ASTN2: variants seen among roughly 807,000 people sequenced by gnomAD.
ASTN2 encodes astrotactin 2.
A neutral mutation model predicts 139.8 loss-of-function variants in ASTN2; 54 were observed. The ratio of observed to expected loss-of-function variants is 0.39; its 90% CI spans 0.31 to 0.48. ASTN2 has a LOEUF of 0.48. Among genes scored for constraint, ASTN2 ranks in the 20% least tolerant of loss-of-function variants. The pLI is 0.95. For missense variants in ASTN2, 1,565 were observed against 1,725.1 expected, an observed-to-expected ratio of 0.91 and a Z score of 1.64; for synonymous variants, 756 against 719.5, an observed-to-expected ratio of 1.05 and a Z score of -0.81.
chr9:116,702,617 C>G (rs550562446), intron 16 of ASTN2, among the ~76,000 whole-genome samples: 1 of 152,130 alleles, frequency 6.6e-6, no homozygotes, highest in African/African-American at 2.4e-5. Context: ...ATTTACCTGA[C>G]TTAATGGGAC....
intron 2 of ASTN2, among the ~76,000 whole-genome samples, chr9:117,270,101 G>T (rs1007285080): frequency 1.3e-4 from 20 of 152,134 alleles, no homozygotes; most frequent in African/African-American, 4.8e-4. Flanking sequence ...CACATTACTA[G>T]CTGTGCGAGT....
intron 19 of ASTN2, among the ~76,000 whole-genome samples, chr9:116,563,484 T>A (rs1338542903): frequency 6.6e-6 from 1 of 152,186 alleles, no homozygotes; most frequent in African/African-American, 2.4e-5. Flanking sequence ...AATGATCTCT[T>A]TGTCATCCTC....
rs761591526 is a variant in ASTN2, at chr9:116,698,236, G to A, written c.2806+27535C>T. On this transcript the variant is annotated intron_variant, in intron 16 of 22. Coordinates refer to ENST00000313400, the MANE Select transcript of ASTN2 (RefSeq NM_001365068.1). This position sits in a 1 kb window ranked among gnomAD's most constrained non-coding sequence, Gnocchi z 4.4. ...CGGGAACTTATGGGGGAGCTGCAGC[G>A]GCGGAAGGCAGCCTTGGAAGGTGTC... 6.2e-6 allele frequency: 10 copies of A among 1,614,124 alleles called. No individual in the cohort carries two copies. The highest frequency in any genetic ancestry group is 5.0e-5 in the Admixed American group (3 of 60,022).
intron 19 of ASTN2, among the ~76,000 whole-genome samples, chr9:116,554,997 A>T (rs1852537141): frequency 6.6e-6 from 1 of 152,176 alleles, no homozygotes; most frequent in Non-Finnish European, 1.5e-5. Flanking sequence ...GTGCACTGCA[A>T]ACCCTGAAAC....
chr9:117,393,655 A>G (rs1830602255), intron 1 of ASTN2, among the ~76,000 whole-genome samples: 1 of 152,194 alleles, frequency 6.6e-6, no homozygotes, highest in South Asian at 2.1e-4. Context: ...AGAAAGCTCA[A>G]ACCTGTGCAT....
At chr9:116,945,347 C>T (rs1454330630) in intron 10 of ASTN2, among the ~76,000 whole-genome samples, 3 of 152,100 alleles carry the variant, frequency 2.0e-5, no homozygotes, top group Non-Finnish European at 4.4e-5. Flanking sequence ...TAAACATTTG[C>T]ACCAAATTCA....
At chr9:116,572,842 G>C (rs1395495616) in intron 19 of ASTN2, among the ~76,000 whole-genome samples, 1 of 152,184 alleles carries the variant, frequency 6.6e-6, no homozygotes, top group African/African-American at 2.4e-5. Context: ...AATGTTTCTA[G>C]GGGATTTAAC....
At chr9:117,060,488 T>TGAAAGAAAGAAA (rs1206035737) in intron 5 of ASTN2, among the ~76,000 whole-genome samples, 1 of 29,768 alleles carries the variant, frequency 3.4e-5, no homozygotes, top group African/African-American at 1.6e-4. Flanking sequence ...AAGGAAGGAA[T>TGAAAGAAAGAAA]GAAAGAAAGA....
intron 11 of ASTN2, among the ~76,000 whole-genome samples, chr9:116,840,667 GGTT>G (rs1178763689): frequency 1.1e-5 from 1 of 90,482 alleles, no homozygotes; most frequent in Non-Finnish European, 2.7e-5. Context: ...CAGACGGGGC[GGTT>G]GCCAGGCAGA....
chr9:116,428,335 C>G (rs987539263), intron 22 of ASTN2, among the ~76,000 whole-genome samples: 2 of 152,106 alleles, frequency 1.3e-5, no homozygotes, highest in Non-Finnish European at 2.9e-5. Flanking sequence ...AGCAGCCTGG[C>G]CAACATACTG....
intron 4 of ASTN2, among the ~76,000 whole-genome samples, chr9:117,106,356 A>G (rs1381232008): frequency 6.6e-6 from 1 of 151,642 alleles, no homozygotes; most frequent in East Asian, 1.9e-4. Context: ...CCCCTTGAGT[A>G]GCTGTGATTT....
chr9:117,224,088 A>C (rs59416951), intron 2 of ASTN2, among the ~76,000 whole-genome samples: 14,410 of 152,238 alleles, frequency 0.095, 1,286 homozygotes, highest in African/African-American at 0.23. Flanking sequence ...GAATTCTATA[A>C]AAATTTATCA....
intron 2 of ASTN2, among the ~76,000 whole-genome samples, chr9:117,286,193 A>AAT (rs1344495866): frequency 6.6e-6 from 1 of 152,182 alleles, no homozygotes. Context: ...GCAAAAGTGA[A>AAT]ATATATATTG....
chr9:116,781,933 G>A (rs4837863), intron 13 of ASTN2, among the ~76,000 whole-genome samples: 138,335 of 152,198 alleles, frequency 0.91, 63,751 homozygotes, highest in East Asian at 1. Flanking sequence ...CAGATACCTC[G>A]AGCAGCTTTC....
chr9:116,595,328 G>T (rs1854519468), intron 19 of ASTN2, among the ~76,000 whole-genome samples: 2 of 92,436 alleles, frequency 2.2e-5, no homozygotes, highest in South Asian at 9.1e-4. Flanking sequence ...CATTCTTGTT[G>T]TTGCTGTTGT....
At chr9:117,116,661 A>G (rs984938832) in intron 4 of ASTN2, among the ~76,000 whole-genome samples, 2 of 151,650 alleles carry the variant, frequency 1.3e-5, no homozygotes, top group African/African-American at 2.4e-5. Flanking sequence ...GCTTTGCTCC[A>G]AAGTCCTTGC....
At chr9:117,013,483 TA>T (rs556149969) in intron 6 of ASTN2, among the ~76,000 whole-genome samples, 4,275 of 37,348 alleles carry the variant, frequency 0.11, 166 homozygotes, top group South Asian at 0.35. Flanking sequence ...TATATATATA[TA>T]TATTTTTTTT....
At chr9:117,096,407 T>C (rs1018499204) in intron 4 of ASTN2, among the ~76,000 whole-genome samples, 1 of 152,162 alleles carries the variant, frequency 6.6e-6, no homozygotes, top group African/African-American at 2.4e-5. Context: ...CTGGGTTCTG[T>C]CTCTCTAAAA....
At chr9:116,791,498 A>G (rs1466028563) in intron 13 of ASTN2, among the ~76,000 whole-genome samples, 1 of 152,236 alleles carries the variant, frequency 6.6e-6, no homozygotes, top group Non-Finnish European at 1.5e-5. Context: ...ATTGCTAAGC[A>G]CATTAGTGCA....
Sources: gnomAD v4.1 joint callset for allele counts (sites outside exome capture counted in the v4.1 genomes callset) on GRCh38, gnomAD v4.1.1 for gene constraint, Gnocchi (gnomAD v3.1) non-coding constraint, MANE v1.5 for transcripts, NCBI Gene and HGNC (gene_info 2026-07-23, HGNC 2026-07-21) for gene names.